Variants in PRDM8 observed in about 807,000 individuals in gnomAD.
PRDM8 encodes PR domain zinc finger protein 8.
A neutral mutation model predicts 46.5 loss-of-function variants in PRDM8; 13 were observed. That is an observed-to-expected ratio of 0.28 (90% CI 0.18 to 0.44). The LOEUF (loss-of-function observed/expected upper bound fraction) is 0.44. Ranked by LOEUF, PRDM8 falls within the 20% of genes least tolerant of loss-of-function variation. The probability of loss-of-function intolerance (pLI) is 1.00; values close to 1 mark genes in which losing one functional copy is unlikely to be tolerated. For synonymous variants in PRDM8, 473 were observed against 438.4 expected (o/e 1.08, Z -0.98); for missense variants, 998 against 955.0 (o/e 1.04, Z -0.59).
At chr4:80,197,119 A>T, upstream of PRDM8, 1 of 985,476 alleles carries the variant, frequency 1.0e-6, no homozygotes, top group African/African-American at 1.7e-5. Context: ...ACTCCGGGGA[A>T]ATACGCACGG....
chr4:80,185,305 T>C (rs1242222791), exon 1 of PRDM8: 2 of 152,246 alleles, frequency 1.3e-5, no homozygotes, highest in African/African-American at 4.8e-5. Flanking sequence ...ATTAATCCCT[T>C]ACACGAGCAA....
intron 2 of PRDM8, among the ~76,000 whole-genome samples, chr4:80,191,776 T>A (rs1241674216): frequency 6.6e-6 from 1 of 152,224 alleles, no homozygotes; most frequent in East Asian, 1.9e-4. Flanking sequence ...GATGCTAAAT[T>A]AATACCCCTG....
At position 80,203,745 on chromosome 4, in the gene PRDM8, C is replaced by CA. The variant is rs1409621333; in HGVS notation, c.*213_*214insA. 1.2e-3 allele frequency: 504 copies of CA among 434,888 alleles called. 3 individuals are homozygous for CA. Among genetic ancestry groups the CA allele is most frequent in the East Asian group, 2.9e-3 (42 of 14,474 alleles). The allele number at this position is 434,888 out of a possible 1,614,324, so 26.9% of individuals were successfully genotyped here. On this transcript the variant is annotated 3_prime_UTR_variant, in exon 4 of 4. Transcript: ENST00000415738. ...TATTTACCCGGGACACACACCCCCC[C>CA]CCACACACACACACAGACACACTCA... is the stretch of plus-strand genomic sequence containing the variant.
At chr4:80,196,065 C>T, upstream of PRDM8, 1 of 985,258 alleles carries the variant, frequency 1.0e-6, no homozygotes, top group Non-Finnish European at 1.2e-6. Flanking sequence ...GTCAAAGCCT[C>T]AATACCCCAC....
At chr4:80,199,737 G>GTGTGTGTGTGTGTGTGTA (rs1553905032) in intron 1 of PRDM8, among the ~76,000 whole-genome samples, 4,839 of 140,230 alleles carry the variant, frequency 0.035, 117 homozygotes, top group Admixed American at 0.056. Flanking sequence ...GTGTGTGTGT[G>GTGTGTGTGTGTGTGTGTA]TACATATATA....
rs777390514 is a variant in PRDM8, at chr4:80,201,895, G to A, written c.452-19G>A. 6.2e-7 allele frequency: 1 copy of A among 1,613,090 alleles called. No homozygotes were observed. The highest frequency in any genetic ancestry group is 8.5e-7 in the Non-Finnish European group (1 of 1,179,868). ...GTGTGTGCGTGCGTGCGTGTGTGTGGTGTTTGCTCACTAAGCAGGGTCGTC... is the reference window on the plus strand; with the variant it reads ...GTGTGTGCGTGCGTGCGTGTGTGTGATGTTTGCTCACTAAGCAGGGTCGTC... On this transcript the variant is annotated intron_variant, in intron 3 of 3. Coordinates refer to ENST00000415738, the MANE Select transcript of PRDM8 (RefSeq NM_001099403.2).
intron 1 of PRDM8, 123 bp from the exon 2 acceptor site, chr4:80,199,956 A>G (rs759175543): frequency 3.9e-5 from 27 of 686,490 alleles, no homozygotes; most frequent in Non-Finnish European, 5.7e-5. Context: ...TTGAAATAAG[A>G]GCTATGCAAA....
At chr4:80,189,896 A>C (rs1306815167) in intron 1 of PRDM8, 3 of 152,082 alleles carry the variant, frequency 2.0e-5, no homozygotes, top group Non-Finnish European at 4.4e-5. Context: ...AGGCATTGAG[A>C]CCATCTCGTG....
Position 80,203,661 on chromosome 4 carries a change from C to A in PRDM8, c.*129C>A, listed in dbSNP as rs1251602029. On this transcript the variant is annotated 3_prime_UTR_variant, in exon 4 of 4. Coordinates refer to ENST00000415738, the MANE Select transcript of PRDM8 (RefSeq NM_001099403.2). ...TGCACAAAGACACATACATTCACCG[C>A]CCCCCCGCCCCCCCAACGCGCACAC... 5.2e-6 allele frequency: 7 copies of A among 1,336,190 alleles called. No homozygotes were observed. Among genetic ancestry groups the A allele is most frequent in the Non-Finnish European group, 6.8e-6 (7 of 1,033,352 alleles). 82.8% of individuals were successfully genotyped at this position (1,336,190 alleles called of 1,614,324 possible).
At position 80,202,675 on chromosome 4, in the gene PRDM8, G is replaced by A. The variant is rs1738608246; in HGVS notation, c.1213G>A (p.Asp405Asn). Residue 405 changes from aspartate (D) to asparagine (N), a missense_variant, in exon 4 of 4, where the codon GAC (aspartate) becomes AAC (asparagine). Physicochemically the swap from Asp to Asn is conservative, Grantham distance 23. Coordinates refer to ENST00000415738, the MANE Select transcript of PRDM8 (RefSeq NM_001099403.2). ...AASLQEEGTA[D>N]GAGVASEDQD... ...CAGCCTGCAGGAGGAGGGGACAGCCGACGGCGCGGGAGTCGCCTCCGAGGA... is the reference window on the plus strand; with the variant it reads ...CAGCCTGCAGGAGGAGGGGACAGCCAACGGCGCGGGAGTCGCCTCCGAGGA... 7.0e-7 allele frequency: 1 copy of A among 1,433,870 alleles called. No homozygotes were observed. The highest frequency in any genetic ancestry group is 9.1e-7 in the Non-Finnish European group (1 of 1,098,632). 88.8% of individuals were successfully genotyped at this position (1,433,870 alleles called of 1,614,324 possible). A position where few individuals can be genotyped will look rare whatever the true frequency, so the allele number is the denominator to read the frequency against.
At chr4:80,189,102 G>C (rs1737346349) in intron 1 of PRDM8, among the ~76,000 whole-genome samples, 2 of 152,198 alleles carry the variant, frequency 1.3e-5, no homozygotes, top group African/African-American at 4.8e-5. Context: ...GCGCGCTCTA[G>C]GAGGCCCAGA....
chr4:80,202,672 G>A lies in PRDM8; in HGVS notation c.1210G>A (p.Ala404Thr), dbSNP rs1422650743. ...GGCCAGCCTGCAGGAGGAGGGGACA[G>A]CCGACGGCGCGGGAGTCGCCTCCGA... ...RAASLQEEGT[A>T]DGAGVASEDQ... is the part of the protein sequence containing the mutation. The change falls in exon 4 of 4, where the codon GCC becomes ACC. Residue 404 changes from alanine (A) to threonine (T), a missense_variant. By Grantham distance (58) the Ala-to-Thr change is moderately conservative. Coordinates refer to ENST00000415738, the MANE Select transcript of PRDM8 (RefSeq NM_001099403.2). 2 of 1,440,920 alleles carry A rather than the reference G, an allele frequency of 1.4e-6. No homozygotes were observed. Among genetic ancestry groups the A allele is most frequent in the Admixed American group, 2.6e-5 (1 of 38,614 alleles). 89.3% of individuals were successfully genotyped at this position (1,440,920 alleles called of 1,614,324 possible).
Position 80,202,226 on chromosome 4 carries a change from C to G in PRDM8, c.764C>G (p.Ala255Gly). Residue 255 changes from alanine (A) to glycine (G), a missense_variant, in exon 4 of 4, where the codon GCG (alanine) becomes GGG (glycine). Physicochemically the swap from Ala to Gly is moderately conservative, Grantham distance 60. Coordinates refer to ENST00000415738, the MANE Select transcript of PRDM8 (RefSeq NM_001099403.2). ...NPSAAAGGSS[A>G]KPSTDFHNLA... Reference sequence around the variant, plus strand: ...TCCGCTGCCGCCGGCGGCAGCAGCGCGAAGCCATCCACAGACTTCCACAAC... The same window carrying G: ...TCCGCTGCCGCCGGCGGCAGCAGCGGGAAGCCATCCACAGACTTCCACAAC... The G allele has an allele frequency of 6.2e-7, 1 of 1,611,822 alleles. No individual in the cohort carries two copies. Among genetic ancestry groups the G allele is most frequent in the South Asian group, 1.1e-5 (1 of 91,050 alleles).
rs1374485795 is a variant in PRDM8 at position 80,202,471 on chromosome 4, G to C, written c.1009G>C (p.Val337Leu). The C allele has an allele frequency of 6.5e-7, 1 of 1,542,668 alleles. No individual in the cohort carries two copies. The change falls in exon 4 of 4, where the codon GTA (valine) becomes CTA (leucine). Residue 337 changes from valine (V) to leucine (L), a missense_variant. Physicochemically the swap from Val to Leu is conservative, Grantham distance 32. Transcript: ENST00000415738. ...AGLVGGRGRF[V>L]ERPLPASKED... ...TCTGGTAGGGGGCCGGGGCCGCTTC[G>C]TAGAGCGGCCCCTCCCGGCCTCCAA...
chr4:80,196,456 C>G (rs886153208), upstream of PRDM8: 1 of 985,340 alleles, frequency 1.0e-6, no homozygotes, highest in African/African-American at 1.7e-5. Flanking sequence ...GACCTCAAGT[C>G]ATTAGCATCA....
chr4:80,185,934 G>T (rs1560463344), intron 1 of PRDM8, among the ~76,000 whole-genome samples: 1 of 152,218 alleles, frequency 6.6e-6, no homozygotes, highest in Non-Finnish European at 1.5e-5. Flanking sequence ...ACGGACGGAC[G>T]TCCGAGGCTG....
upstream of PRDM8, chr4:80,196,833 C>G (rs954290871): frequency 1.9e-5 from 17 of 907,074 alleles, no homozygotes; most frequent in African/African-American, 3.1e-4. Context: ...GTACCCGTGT[C>G]CTGGGACTAG....
chr4:80,200,286 C>T lies in PRDM8; in HGVS notation c.206C>T (p.Pro69Leu). The T allele has an allele frequency of 1.2e-6, 2 of 1,612,824 alleles. No homozygotes were observed. Among genetic ancestry groups the T allele is most frequent in the Non-Finnish European group, 1.7e-6 (2 of 1,178,972 alleles). The change falls in exon 2 of 4, where the codon CCG (proline) becomes CTG (leucine). Residue 69 changes from proline to leucine, a missense_variant. Coordinates refer to ENST00000415738, the MANE Select transcript of PRDM8 (RefSeq NM_001099403.2). ...ALKSTDKRTVPYIFRVDTSAA... is the reference protein window; with the variant it reads ...ALKSTDKRTVLYIFRVDTSAA... Reference sequence around the variant, plus strand: ...AAGTCTACTGACAAGAGAACAGTACCGTATATCTTTCGGGTAAGTCTCCAC... The same window carrying T: ...AAGTCTACTGACAAGAGAACAGTACTGTATATCTTTCGGGTAAGTCTCCAC...
chr4:80,192,498 T>G (rs573517842), intron 2 of PRDM8, among the ~76,000 whole-genome samples: 30 of 152,326 alleles, frequency 2.0e-4, no homozygotes, highest in Admixed American at 1.9e-3. Flanking sequence ...AGACATCCCC[T>G]GATCTGCAGT....
Sources: gnomAD v4.1 joint callset for allele counts (sites outside exome capture counted in the v4.1 genomes callset) on GRCh38, gnomAD v4.1.1 for gene constraint, MANE v1.5 for transcripts, NCBI Gene and HGNC (gene_info 2026-07-23, HGNC 2026-07-21) for gene names.